NFASC: variants seen among roughly 807,000 people sequenced by gnomAD.
NFASC encodes neurofascin homolog.
NFASC carries 43 observed loss-of-function variants against 147.5 expected under a neutral mutation model. That is an observed-to-expected ratio of 0.29 (90% CI 0.23 to 0.38). The LOEUF is 0.38. Ranked by LOEUF, NFASC falls within the 10% of genes least tolerant of loss-of-function variation. The pLI is 1.00. For missense variants in NFASC, 1,320 were observed against 1,689.0 expected, an observed-to-expected ratio of 0.78 and a Z score of 3.83; for synonymous variants, 622 against 665.5, an observed-to-expected ratio of 0.93 and a Z score of 1.01.
chr1:204,957,519 TG>T, intron 7 of NFASC, 136 bp from the exon 8 acceptor site: 2 of 703,616 alleles, frequency 2.8e-6, no homozygotes, highest in Non-Finnish European at 4.9e-6. Context: ...ACTTCAGAGT[TG>T]AGAGGATTAG....
intron 3 of NFASC, among the ~76,000 whole-genome samples, chr1:204,947,759 G>A (rs1558206136): frequency 6.6e-6 from 1 of 152,252 alleles, no homozygotes; most frequent in African/African-American, 2.4e-5. Context: ...CCCTGCATCA[G>A]GGGACAGCAT....
At chr1:204,872,721 A>T (rs1032812426) in intron 1 of NFASC, among the ~76,000 whole-genome samples, 1 of 152,170 alleles carries the variant, frequency 6.6e-6, no homozygotes, top group Admixed American at 6.5e-5. Context: ...TCTGAGGCTG[A>T]TGTGCTCAGG....
At chr1:204,909,567 G>A (rs2086853374) in intron 1 of NFASC, among the ~76,000 whole-genome samples, 1 of 152,134 alleles carries the variant, frequency 6.6e-6, no homozygotes, top group African/African-American at 2.4e-5. Flanking sequence ...CTTAATTTTA[G>A]TGAAGTTCAG....
At chr1:204,923,048 C>T (rs1304581964) in intron 2 of NFASC, among the ~76,000 whole-genome samples, 2 of 152,182 alleles carry the variant, frequency 1.3e-5, no homozygotes, top group East Asian at 3.9e-4. Context: ...CCCAAAGCCC[C>T]CCATCTAAGA....
At chr1:204,865,228 A>G (rs1466209723) in intron 1 of NFASC, among the ~76,000 whole-genome samples, 1 of 152,210 alleles carries the variant, frequency 6.6e-6, no homozygotes, top group Admixed American at 6.5e-5. Flanking sequence ...ATACATAGCT[A>G]TGTTAAAGTT....
At chr1:204,947,153 A>G (rs2093802357) in intron 3 of NFASC, 2 of 277,288 alleles carry the variant, frequency 7.2e-6, no homozygotes, top group Admixed American at 4.5e-5. Flanking sequence ...CTCAAGACCC[A>G]TGGGCTTCTG....
rs143133526 is a variant in NFASC at position 204,975,887 on chromosome 1, C to T, written c.1706+469C>T. ...ACCTGGCATGCTTTTACCACACCCA[C>T]GCCTGCCCCGCTCCTCAGACCCTGA... On this transcript the variant is annotated intron_variant, in intron 15 of 29. Transcript: ENST00000339876. The surrounding 1 kb of genome is among the most constrained non-coding windows in gnomAD (Gnocchi z 4.0). Among the ~76,000 whole-genome samples the T allele has an allele frequency of 3.1e-4, 47 of 152,296 alleles. 1 individual carries two copies. In the East Asian group the frequency reaches 8.7e-3, roughly 28 times the overall value.
chr1:204,980,217 T>C (rs1447712283), intron 19 of NFASC, among the ~76,000 whole-genome samples, 153 bp from the exon 20 acceptor site: 4 of 152,076 alleles, frequency 2.6e-5, no homozygotes, highest in African/African-American at 7.2e-5. Flanking sequence ...ATGCACAGAG[T>C]AAGCTCATTT....
chr1:204,936,657 CAG>C (rs2092870632), intron 2 of NFASC, among the ~76,000 whole-genome samples: 1 of 152,072 alleles, frequency 6.6e-6, no homozygotes, highest in African/African-American at 2.4e-5. Flanking sequence ...TGGCCTCACT[CAG>C]AGGCTGTGGA....
chr1:204,858,861 A>G (rs2076404585), intron 1 of NFASC, among the ~76,000 whole-genome samples: 1 of 151,694 alleles, frequency 6.6e-6, no homozygotes. Flanking sequence ...GGGCCATCTC[A>G]CTGATTCCCC....
chr1:204,875,263 C>T (rs1201003861), intron 1 of NFASC, among the ~76,000 whole-genome samples: 1 of 152,170 alleles, frequency 6.6e-6, no homozygotes, highest in Admixed American at 6.5e-5. Flanking sequence ...CTCCCCATCC[C>T]TTGGCTATGG....
chr1:204,997,651 T>G, intron 25 of NFASC: 1 of 584,282 alleles, frequency 1.7e-6, no homozygotes, highest in Non-Finnish European at 3.1e-6. Flanking sequence ...CACCACTCAG[T>G]ACCCCAAATT....
intron 1 of NFASC, among the ~76,000 whole-genome samples, chr1:204,877,164 T>C (rs1016967413): frequency 6.8e-6 from 1 of 147,234 alleles, no homozygotes; most frequent in South Asian, 2.1e-4. Context: ...TAATAGATTA[T>C]AGGAGGAAAT....
chr1:204,936,194 C>CTTTTTTTT lies in NFASC; in HGVS notation c.-90-8029_-90-8028insTTTTTTTT, dbSNP rs1288327632. ...GCATTAACAGATTCCCTCTCTCTCT[C>CTTTTTTTT]TTTCTTTTTCTTTTTTTTTTTTTTT... On this transcript the variant is annotated intron_variant, in intron 2 of 29. Coordinates refer to ENST00000339876, the MANE Select transcript of NFASC (RefSeq NM_001005388.3). Among the ~76,000 whole-genome samples the CTTTTTTTT allele has an allele frequency of 6.3e-5, 4 of 63,812 alleles. 1 individual carries two copies. Among genetic ancestry groups the CTTTTTTTT allele is most frequent in the Non-Finnish European group, 9.6e-5 (3 of 31,374 alleles). 41.9% of individuals were successfully genotyped at this position (63,812 alleles called of 152,430 possible).
At chr1:204,833,121 T>C (rs1672709286) in intron 1 of NFASC, among the ~76,000 whole-genome samples, 1 of 152,228 alleles carries the variant, frequency 6.6e-6, no homozygotes, top group African/African-American at 2.4e-5. Context: ...TTGAGAACTC[T>C]CAGGCCACCC....
chr1:205,010,010 C>A lies in NFASC; in HGVS notation c.3421+322C>A. On this transcript the variant is annotated intron_variant, in intron 28 of 29. Transcript: ENST00000339876. This position sits in a 1 kb window ranked among gnomAD's most constrained non-coding sequence, Gnocchi z 4.1. ...TTCTATAAATTGGCTTTTTTTCAGC[C>A]TGAATCTCATTAGGATCCTGTGTCC... is the stretch of plus-strand genomic sequence containing the variant. 3.3e-6 allele frequency: 1 copy of A among 305,350 alleles called. No homozygotes were observed. The highest frequency in any genetic ancestry group is 6.2e-6 in the Non-Finnish European group (1 of 160,820). 18.9% of individuals were successfully genotyped at this position (305,350 alleles called of 1,614,324 possible).
Position 204,925,095 on chromosome 1 carries a change from G to T in NFASC, c.-91+4355G>T, listed in dbSNP as rs560833421. 2.0e-5 allele frequency among the ~76,000 whole-genome samples: 3 copies of T among 152,262 alleles called. No individual in the cohort carries two copies. The East Asian group carries it at 5.8e-4, about 29-fold the overall frequency. Reference sequence around the variant, plus strand: ...TCACTGTGTTGGCCAGGCTGGTCTTGAACTCCTGAACCTCATGATCCACCT... The same window carrying T: ...TCACTGTGTTGGCCAGGCTGGTCTTTAACTCCTGAACCTCATGATCCACCT... On this transcript the variant is annotated intron_variant, in intron 2 of 29. Transcript: ENST00000339876.
intron 1 of NFASC, among the ~76,000 whole-genome samples, chr1:204,855,303 A>G (rs1203842327): frequency 1.3e-5 from 2 of 152,254 alleles, no homozygotes; most frequent in African/African-American, 2.4e-5. Context: ...ACACAACTGT[A>G]TAACTGGGAA....
chr1:204,940,428 G>T (rs1222674911), intron 2 of NFASC, among the ~76,000 whole-genome samples: 1 of 152,168 alleles, frequency 6.6e-6, no homozygotes, highest in Admixed American at 6.5e-5. Flanking sequence ...ACTCCCGCCT[G>T]GGCAACAGAG....
Sources: allele counts gnomAD v4.1 joint callset (sites outside exome capture counted in the v4.1 genomes callset), GRCh38; gene constraint gnomAD v4.1.1; non-coding constraint Gnocchi (gnomAD v3.1); transcripts MANE v1.5; gene names NCBI Gene and HGNC (gene_info 2026-07-23, HGNC 2026-07-21).